Variants in ZC3H6 observed in about 807,000 individuals in gnomAD.
The protein encoded by ZC3H6 is zinc finger CCCH-type containing 6.
In ZC3H6, 40 loss-of-function variants were observed where a neutral mutation model predicts 107.7. That is an observed-to-expected ratio of 0.37 (90% CI 0.29 to 0.48). The LOEUF is 0.48. Among genes scored for constraint, ZC3H6 ranks in the 20% least tolerant of loss-of-function variants. ZC3H6 has a pLI of 0.98. For synonymous variants in ZC3H6, 493 were observed against 487.9 expected (o/e 1.01, Z -0.14); for missense variants, 1,267 against 1,410.4 (o/e 0.90, Z 1.63).
In ZC3H6 at chr2:112,332,460, T is replaced by C. The variant is rs1181922187; in HGVS notation, c.3542T>C (p.Phe1181Ser). Residue 1181 changes from phenylalanine (F) to serine (S), a missense_variant, in exon 12 of 12, where the codon TTT (phenylalanine) becomes TCT (serine). Phe to Ser is a radical substitution (Grantham distance 155). Transcript: ENST00000409871. ...DKSLKEVFKT[F>S]DPTASPFC ...TCTCTGAAAGAGGTTTTTAAAACTTTTGATCCAACTGCTTCACCATTTTGT... is the reference window on the plus strand; with the variant it reads ...TCTCTGAAAGAGGTTTTTAAAACTTCTGATCCAACTGCTTCACCATTTTGT... 2.5e-6 allele frequency: 4 copies of C among 1,609,742 alleles called. No homozygotes were observed. Among genetic ancestry groups the C allele is most frequent in the Non-Finnish European group, 3.4e-6 (4 of 1,178,788 alleles).
intron 3 of ZC3H6, 152 bp downstream of exon 3, chr2:112,303,503 C>T: frequency 1.7e-6 from 1 of 589,244 alleles, no homozygotes; most frequent in Non-Finnish European, 2.8e-6. Context: ...CTTGATCATT[C>T]CAAACAGAAA....
Position 112,294,496 on chromosome 2 carries a change from C to A in ZC3H6, c.33-5353C>A, listed in dbSNP as rs183668536. 1.6e-4 allele frequency among the ~76,000 whole-genome samples: 24 copies of A among 152,206 alleles called. No individual in the cohort carries two copies. In the East Asian group the frequency reaches 3.9e-3, roughly 24 times the overall value. ...TCTTTTTTTGTGGTGATCATATTATCCCAAGAAGTTTGCATTCATGAGTAA... is the reference window on the plus strand; with the variant it reads ...TCTTTTTTTGTGGTGATCATATTATACCAAGAAGTTTGCATTCATGAGTAA... On this transcript the variant is annotated intron_variant, in intron 1 of 11. Coordinates refer to ENST00000409871, the MANE Select transcript of ZC3H6 (RefSeq NM_198581.3).
At chr2:112,297,227 A>C (rs945431562) in intron 1 of ZC3H6, among the ~76,000 whole-genome samples, 1 of 152,220 alleles carries the variant, frequency 6.6e-6, no homozygotes, top group Non-Finnish European at 1.5e-5. Context: ...TCTTATTAAG[A>C]CCACGTCCAC....
intron 7 of ZC3H6, among the ~76,000 whole-genome samples, chr2:112,319,645 CAAA>C (rs1187937504): frequency 7.5e-6 from 1 of 133,736 alleles, no homozygotes; most frequent in African/African-American, 2.8e-5. Context: ...GACTCTGTCT[CAAA>C]AAAAAAAAGG....
chr2:112,310,223 G>A lies in ZC3H6; in HGVS notation c.613+62G>A, dbSNP rs1200614528. The A allele has an allele frequency of 2.7e-6, 4 of 1,493,368 alleles. No individual in the cohort carries two copies. The East Asian group carries it at 9.2e-5, about 34-fold the overall frequency. The allele number at this position is 1,493,368 out of a possible 1,614,324, so 92.5% of individuals were successfully genotyped here. A position where few individuals can be genotyped will look rare whatever the true frequency, so the allele number is the denominator to read the frequency against. ...AACCTTATTAAAACAGGCAGCTATG[G>A]AGTAAAAACTTAGAAACTTATCCCT... On this transcript the variant is annotated intron_variant, in intron 4 of 11. Coordinates refer to ENST00000409871, the MANE Select transcript of ZC3H6 (RefSeq NM_198581.3).
Position 112,303,225 on chromosome 2 carries a change from T to A in ZC3H6, c.214-4T>A. On this transcript the variant is annotated splice_region_variant and splice_polypyrimidine_tract_variant and intron_variant, in intron 2 of 11. Transcript: ENST00000409871. ...TAACATATTTGTCTTTCCCCTCCCT[T>A]CAGCATAATTCCCCATCTAGTGATG... 6.2e-7 allele frequency: 1 copy of A among 1,602,296 alleles called. No individual in the cohort carries two copies. The highest frequency in any genetic ancestry group is 8.5e-7 in the Non-Finnish European group (1 of 1,176,072).
chr2:112,314,440 C>T (rs1676654538), intron 5 of ZC3H6, among the ~76,000 whole-genome samples: 1 of 151,960 alleles, frequency 6.6e-6, no homozygotes, highest in Non-Finnish European at 1.5e-5. Context: ...AACTAAAAAA[C>T]AAAACAAAAC....
At chr2:112,302,812 T>G (rs1386640090) in intron 2 of ZC3H6, among the ~76,000 whole-genome samples, 1 of 152,106 alleles carries the variant, frequency 6.6e-6, no homozygotes, top group African/African-American at 2.4e-5. Context: ...AGGGTACTCA[T>G]GCAATAGAAT....
intron 1 of ZC3H6, among the ~76,000 whole-genome samples, chr2:112,298,573 T>C (rs1242243949): frequency 2.0e-5 from 3 of 152,230 alleles, no homozygotes; most frequent in Non-Finnish European, 4.4e-5. Context: ...GTAAGCCCCA[T>C]ATCAAGAATA....
Position 112,325,053 on chromosome 2 carries a change from A to C in ZC3H6, c.1942A>C (p.Thr648Pro). 6.2e-7 allele frequency: 1 copy of C among 1,613,922 alleles called. No individual in the cohort carries two copies. The highest frequency in any genetic ancestry group is 8.5e-7 in the Non-Finnish European group (1 of 1,179,858). ...TGGGAGTGGGTCTGATGGCAGCAGC[A>C]CTAGGACAGGCCATGGCCCTCTGCC... ...NHGSGSDGSS[T>P]RTGHGPLPVP... Residue 648 changes from threonine (T) to proline (P), a missense_variant, in exon 11 of 12, where the codon ACT (threonine) becomes CCT (proline). By Grantham distance (38) the Thr-to-Pro change is conservative. This residue lies in a region of ZC3H6 where 925 missense variants were observed against 1,025.7 expected (regional missense o/e 0.90). Transcript: ENST00000409871.
chr2:112,289,616 C>T (rs1422608789), intron 1 of ZC3H6, among the ~76,000 whole-genome samples: 4 of 152,042 alleles, frequency 2.6e-5, no homozygotes, highest in Non-Finnish European at 5.9e-5. Context: ...TGAGCCACCG[C>T]GCCGGCCCTG....
rs1558942682 is a variant in ZC3H6, at chr2:112,276,045, C to G, written c.32+19C>G. On this transcript the variant is annotated intron_variant, in intron 1 of 11. Coordinates refer to ENST00000409871, the MANE Select transcript of ZC3H6 (RefSeq NM_198581.3). ...ACGACAGGTCGGGAACCCTTCTTGT[C>G]TGTCTTTCTGTCGGATGAGAGGAGG... The G allele has an allele frequency of 6.5e-7, 1 of 1,539,262 alleles. No individual in the cohort carries two copies. The highest frequency in any genetic ancestry group is 1.7e-4 in the Middle Eastern group (1 of 5,762).
intron 9 of ZC3H6, among the ~76,000 whole-genome samples, chr2:112,323,683 GA>G (rs1377348450): frequency 1.3e-5 from 2 of 152,150 alleles, no homozygotes; most frequent in African/African-American, 4.8e-5. Context: ...AAATTAGCAA[GA>G]TGTCAGGAAA....
chr2:112,325,408 C>T (rs1296513772), intron 11 of ZC3H6, among the ~76,000 whole-genome samples: 4 of 151,958 alleles, frequency 2.6e-5, no homozygotes, highest in African/African-American at 4.8e-5. Flanking sequence ...GCAGGAGAAT[C>T]GCTTCAACTT....
intron 5 of ZC3H6, among the ~76,000 whole-genome samples, chr2:112,313,079 A>G (rs1676622516): frequency 6.6e-6 from 1 of 152,204 alleles, no homozygotes; most frequent in African/African-American, 2.4e-5. Flanking sequence ...AACCCAGCAC[A>G]TGCCATCTGC....
At chr2:112,283,859 T>G (rs1686564953) in intron 1 of ZC3H6, among the ~76,000 whole-genome samples, 1 of 152,260 alleles carries the variant, frequency 6.6e-6, no homozygotes, top group South Asian at 2.1e-4. Flanking sequence ...ACAGACAATT[T>G]CATCTTAGTT....
At position 112,336,070 on chromosome 2, in the gene ZC3H6, T is replaced by C. The variant is rs1274222300; in HGVS notation, c.*3582T>C. On this transcript the variant is annotated 3_prime_UTR_variant, in exon 12 of 12. Coordinates refer to ENST00000409871, the MANE Select transcript of ZC3H6 (RefSeq NM_198581.3). ...ATATATTCACACCCAGTCTGTAATA[T>C]GTATTTCTTCAGGCATGTCACACTG... is the stretch of plus-strand genomic sequence containing the variant. 3 of 152,234 alleles carry C rather than the reference T, an allele frequency of 2.0e-5. No individual in the cohort carries two copies. Among genetic ancestry groups the C allele is most frequent in the Non-Finnish European group, 4.4e-5 (3 of 68,044 alleles). 9.4% of individuals were successfully genotyped at this position (152,234 alleles called of 1,614,324 possible).
intron 2 of ZC3H6, among the ~76,000 whole-genome samples, chr2:112,300,879 C>G (rs1488247341): frequency 6.6e-6 from 1 of 152,144 alleles, no homozygotes; most frequent in African/African-American, 2.4e-5. Context: ...AATGTAGGAG[C>G]AGGTTTTGAA....
intron 1 of ZC3H6, among the ~76,000 whole-genome samples, chr2:112,294,742 A>C (rs1676197127): frequency 6.6e-6 from 1 of 152,216 alleles, no homozygotes; most frequent in Admixed American, 6.5e-5. Flanking sequence ...AGAATCCTCT[A>C]TTAAGGCATA....
Sources: gnomAD v4.1 joint callset for allele counts (sites outside exome capture counted in the v4.1 genomes callset) on GRCh38, gnomAD v4.1.1 for gene constraint, gnomAD v4.1.1 regional missense constraint, MANE v1.5 for transcripts, NCBI Gene and HGNC (gene_info 2026-07-23, HGNC 2026-07-21) for gene names.